Variants in ZNF92 observed in about 807,000 individuals in gnomAD.
ZNF92 encodes zinc finger protein 92.
A neutral mutation model predicts 12.4 loss-of-function variants in ZNF92; 11 were observed. The ratio of observed to expected loss-of-function variants is 0.89; its 90% CI spans 0.56 to 1.47. The LOEUF (loss-of-function observed/expected upper bound fraction) is 1.47. Among genes scored for constraint, ZNF92 ranks in the 40% most tolerant of loss-of-function variants. The probability of loss-of-function intolerance (pLI) is 0.00; values close to 1 mark genes in which losing one functional copy is unlikely to be tolerated. For missense variants in ZNF92, 622 were observed against 681.0 expected, an observed-to-expected ratio of 0.91 and a Z score of 0.96; for synonymous variants, 206 against 228.6, an observed-to-expected ratio of 0.90 and a Z score of 0.89.
intron 3 of ZNF92, among the ~76,000 whole-genome samples, chr7:65,395,817 A>G (rs562605923): frequency 4.6e-5 from 7 of 152,236 alleles, no homozygotes; most frequent in African/African-American, 1.7e-4. Context: ...TGTGGTTGCA[A>G]TTTGTATAGA....
chr7:65,387,869 ATGTGTGTTTG>A (rs1793613748), intron 1 of ZNF92, 23 bp from the exon 2 acceptor site: 1 of 1,555,368 alleles, frequency 6.4e-7, no homozygotes, highest in East Asian at 2.4e-5. Context: ...TAGTAAACAT[ATGTGTGTTTG>A]TGTGTGTGTG....
intron 1 of ZNF92, among the ~76,000 whole-genome samples, chr7:65,376,287 G>A (rs151112234): frequency 6.6e-5 from 10 of 152,088 alleles, no homozygotes; most frequent in African/African-American, 2.2e-4. Flanking sequence ...TACTTATTTT[G>A]ACTTTCATTT....
In ZNF92 at chr7:65,399,430, C is replaced by G. The variant is rs765882074; in HGVS notation, c.1316C>G (p.Ala439Gly). 2 of 1,610,774 alleles carry G rather than the reference C, an allele frequency of 1.2e-6. No homozygotes were observed. The highest frequency in any genetic ancestry group is 1.7e-6 in the Non-Finnish European group (2 of 1,178,994). The change falls in exon 4 of 4, where the codon GCT (alanine) becomes GGT (glycine). Residue 439 changes from alanine (A) to glycine (G), a missense_variant. By Grantham distance (60) the Ala-to-Gly change is moderately conservative. Transcript: ENST00000328747. ...GGCAAGGCCTTTAGCTGGTCCTCAG[C>G]TTTTACTAAACATAAGAGAAATCAT... is the stretch of plus-strand genomic sequence containing the variant. ...KCGKAFSWSS[A>G]FTKHKRNHME...
Position 65,397,271 on chromosome 7 carries a change from A to G in ZNF92, c.227-1070A>G, listed in dbSNP as rs185960957. ...GTAACTTCTGAAATTGTGCTTATATATGTGTTTGTTATAAGTATCTTTTTG... is the reference window on the plus strand; with the variant it reads ...GTAACTTCTGAAATTGTGCTTATATGTGTGTTTGTTATAAGTATCTTTTTG... On this transcript the variant is annotated intron_variant, in intron 3 of 3. Transcript: ENST00000328747. 3.3e-5 allele frequency among the ~76,000 whole-genome samples: 5 copies of G among 151,934 alleles called. No homozygotes were observed. The East Asian group carries it at 9.7e-4, about 29-fold the overall frequency.
chr7:65,387,213 A>C (rs1417128955), intron 1 of ZNF92, among the ~76,000 whole-genome samples: 2 of 151,376 alleles, frequency 1.3e-5, no homozygotes, highest in Admixed American at 1.3e-4. Context: ...AACTGCTGGG[A>C]TTATAGGTAT....
In ZNF92 at chr7:65,398,535, G is replaced by A. The variant is rs1584292771; in HGVS notation, c.421G>A (p.Asp141Asn). 6.2e-7 allele frequency: 1 copy of A among 1,610,798 alleles called. No individual in the cohort carries two copies. Among genetic ancestry groups the A allele is most frequent in the East Asian group, 2.2e-5 (1 of 44,808 alleles). The change falls in exon 4 of 4, where the codon GAC (aspartate) becomes AAC (asparagine). Residue 141 changes from aspartate to asparagine, a missense_variant. Coordinates refer to ENST00000328747, the MANE Select transcript of ZNF92 (RefSeq NM_152626.4). ...NGLNQCLTTT[D>N]SKIFQCDKYV... The stretch of plus-strand genomic sequence containing the variant: ...ACTTAACCAGTGTTTGACAACTACT[G>A]ACAGCAAGATATTTCAGTGTGATAA...
At chr7:65,374,433 G>A (rs188088779) in intron 1 of ZNF92, among the ~76,000 whole-genome samples, 1 of 151,374 alleles carries the variant, frequency 6.6e-6, no homozygotes, top group South Asian at 2.1e-4. Context: ...AAATATTGAA[G>A]AATTTAATCA....
chr7:65,377,711 C>T (rs1327789958), intron 1 of ZNF92, among the ~76,000 whole-genome samples: 6 of 151,826 alleles, frequency 4.0e-5, no homozygotes, highest in African/African-American at 7.3e-5. Context: ...GGACTACAGG[C>T]TCGTGCCACC....
chr7:65,375,295 C>G (rs547942904), intron 1 of ZNF92, among the ~76,000 whole-genome samples: 5 of 152,132 alleles, frequency 3.3e-5, no homozygotes, highest in African/African-American at 1.2e-4. Context: ...GGCAAGATAC[C>G]TACCATGGCA....
At chr7:65,385,320 T>C (rs1309870086) in intron 1 of ZNF92, among the ~76,000 whole-genome samples, 1 of 152,162 alleles carries the variant, frequency 6.6e-6, no homozygotes, top group African/African-American at 2.4e-5. Context: ...TAAGATTACA[T>C]AGCCAGTTTG....
At chr7:65,393,035 C>G (rs1364892597) in intron 3 of ZNF92, among the ~76,000 whole-genome samples, 2 of 152,078 alleles carry the variant, frequency 1.3e-5, no homozygotes, top group Non-Finnish European at 2.9e-5. Context: ...GCTTGGGTGA[C>G]AAGTGGGACC....
chr7:65,382,446 G>A (rs908287646), intron 1 of ZNF92, among the ~76,000 whole-genome samples: 1 of 151,990 alleles, frequency 6.6e-6, no homozygotes, highest in Non-Finnish European at 1.5e-5. Context: ...CAGGCTTCCA[G>A]TCAACTCATG....
intron 1 of ZNF92, among the ~76,000 whole-genome samples, chr7:65,382,906 CTT>C (rs1793461831): frequency 6.6e-6 from 1 of 152,038 alleles, no homozygotes; most frequent in African/African-American, 2.4e-5. Flanking sequence ...ACAATTGTGT[CTT>C]TCTCTCTCCT....
In ZNF92 at chr7:65,388,152, CAG is replaced by C. The variant is rs772032163; in HGVS notation, c.130+128_130+129del. 6.2e-5 allele frequency: 68 copies of C among 1,104,346 alleles called. 1 individual carries two copies. In the Middle Eastern group the frequency reaches 6.7e-4, roughly 11 times the overall value. 68.4% of individuals were successfully genotyped at this position (1,104,346 alleles called of 1,614,324 possible). A position where few individuals can be genotyped will look rare whatever the true frequency, so the allele number is the denominator to read the frequency against. ...TTTCAGATCCCAGTTTTCAAGAAAA[CAG>C]AGATTTGTCAGTATAGAAAAGAACT... On this transcript the variant is annotated intron_variant, in intron 2 of 3. Coordinates refer to ENST00000328747, the MANE Select transcript of ZNF92 (RefSeq NM_152626.4).
At chr7:65,386,395 T>C (rs181540161) in intron 1 of ZNF92, among the ~76,000 whole-genome samples, 98 of 152,208 alleles carry the variant, frequency 6.4e-4, no homozygotes, top group Non-Finnish European at 1.2e-3. Context: ...TCACCATGAA[T>C]TTATGATCTT....
At chr7:65,395,042 A>G (rs1163476098) in intron 3 of ZNF92, among the ~76,000 whole-genome samples, 2 of 152,172 alleles carry the variant, frequency 1.3e-5, no homozygotes, top group Non-Finnish European at 2.9e-5. Flanking sequence ...AGTTTTGGTC[A>G]GAAAACATAC....
chr7:65,380,035 C>T (rs905759218), intron 1 of ZNF92, among the ~76,000 whole-genome samples: 3 of 152,066 alleles, frequency 2.0e-5, no homozygotes, highest in African/African-American at 4.8e-5. Context: ...CTACCCTCAA[C>T]TAGGCCTCAG....
intron 1 of ZNF92, among the ~76,000 whole-genome samples, chr7:65,378,465 G>A (rs62469473): frequency 0.038 from 5,708 of 151,722 alleles, 186 homozygotes; most frequent in East Asian, 0.15. Context: ...ATTTTTGGCC[G>A]GGCGTGGTGG....
At chr7:65,394,615 C>CTG (rs1793802247) in intron 3 of ZNF92, among the ~76,000 whole-genome samples, 1 of 152,054 alleles carries the variant, frequency 6.6e-6, no homozygotes, top group African/African-American at 2.4e-5. Context: ...TTCTTTACCA[C>CTG]TGTAGGTTGT....
Sources: gnomAD v4.1 joint callset for allele counts (sites outside exome capture counted in the v4.1 genomes callset) on GRCh38, gnomAD v4.1.1 for gene constraint, MANE v1.5 for transcripts, NCBI Gene and HGNC (gene_info 2026-07-23, HGNC 2026-07-21) for gene names.